Variants in INPP5D observed in about 807,000 individuals in gnomAD.
The protein encoded by INPP5D is inositol polyphosphate-5-phosphatase D, also known as phosphatidylinositol 3,4,5-trisphosphate 5-phosphatase 1.
Under a neutral mutation model 122.9 loss-of-function variants are expected in INPP5D, and 33 were observed. That is an observed-to-expected ratio of 0.27 (90% CI 0.20 to 0.36). The LOEUF (loss-of-function observed/expected upper bound fraction) is 0.36. Ranked by LOEUF, INPP5D falls within the 10% of genes least tolerant of loss-of-function variation. The pLI is 1.00. For synonymous variants in INPP5D, 584 were observed against 576.2 expected (o/e 1.01, Z -0.19); for missense variants, 1,053 against 1,412.7 (o/e 0.75, Z 4.08).
chr2:233,200,961 AAAATAAAT>A (rs150813540), intron 25 of INPP5D, among the ~76,000 whole-genome samples: 1,449 of 141,878 alleles, frequency 0.01, 12 homozygotes, highest in African/African-American at 0.025. Context: ...ACTCCATCTC[AAAATAAAT>A]AAATAAATAA....
At chr2:233,087,474 A>G (rs558319860) in intron 2 of INPP5D, among the ~76,000 whole-genome samples, 18 of 151,896 alleles carry the variant, frequency 1.2e-4, no homozygotes, top group African/African-American at 4.3e-4. Flanking sequence ...CTACAGGCAC[A>G]TGCCACCACA....
intron 5 of INPP5D, among the ~76,000 whole-genome samples, chr2:233,136,442 G>C (rs1559312286): frequency 6.6e-6 from 1 of 150,738 alleles, no homozygotes; most frequent in Non-Finnish European, 1.5e-5. Context: ...TGGTGCCACT[G>C]TGCTCCAGGC....
intron 2 of INPP5D, among the ~76,000 whole-genome samples, chr2:233,119,717 C>T (rs1247414959): frequency 2.0e-5 from 3 of 152,176 alleles, no homozygotes; most frequent in Non-Finnish European, 4.4e-5. Context: ...CCCAGATGGA[C>T]AGCCCTGAAT....
chr2:233,122,316 C>T, intron 3 of INPP5D, 59 bp downstream of exon 3: 3 of 1,542,274 alleles, frequency 1.9e-6, no homozygotes, highest in Non-Finnish European at 2.6e-6. Flanking sequence ...CTGCACCCAC[C>T]TTGAGTGCTT....
chr2:233,169,975 G>A, intron 14 of INPP5D, 51 bp from the exon 15 acceptor site: 1 of 1,611,880 alleles, frequency 6.2e-7, no homozygotes, highest in Non-Finnish European at 8.5e-7. Context: ...TGCCACAGTG[G>A]AGGGGGAACC....
chr2:233,193,697 A>G, intron 22 of INPP5D, 115 bp from the exon 23 acceptor site: 1 of 1,556,330 alleles, frequency 6.4e-7, no homozygotes, highest in Non-Finnish European at 8.8e-7. Flanking sequence ...CGGATTTATT[A>G]AATAACCCTT....
chr2:233,065,944 C>CTTTTT (rs552550678), intron 1 of INPP5D, among the ~76,000 whole-genome samples: 37 of 112,718 alleles, frequency 3.3e-4, no homozygotes, highest in African/African-American at 1.3e-4. Flanking sequence ...CGCACCTGGC[C>CTTTTT]TTTTTTTAAA....
intron 2 of INPP5D, among the ~76,000 whole-genome samples, chr2:233,102,869 C>CAAA (rs1041744645): frequency 4.8e-5 from 7 of 145,982 alleles, no homozygotes; most frequent in African/African-American, 7.7e-5. Flanking sequence ...AAAAAACAAC[C>CAAA]AAAAAACCAC....
At chr2:233,178,680 C>T (rs374559378) in intron 18 of INPP5D, among the ~76,000 whole-genome samples, 2 of 152,106 alleles carry the variant, frequency 1.3e-5, no homozygotes, top group Admixed American at 6.6e-5. Context: ...GATGGGGTTA[C>T]ACCATGTTGG....
rs547131696 is a variant in INPP5D at position 233,128,897 on chromosome 2, G to T, written c.525-1611G>T. On this transcript the variant is annotated intron_variant, in intron 4 of 26. Coordinates refer to ENST00000445964, the MANE Select transcript of INPP5D (RefSeq NM_001017915.3). The surrounding 1 kb of genome is among the most constrained non-coding windows in gnomAD (Gnocchi z 4.5). ...CAAGCCTGGAATAAAAATCTTTAAGGCGGCTGGGCAGGGTGGTTCACACCT... is the reference window on the plus strand; with the variant it reads ...CAAGCCTGGAATAAAAATCTTTAAGTCGGCTGGGCAGGGTGGTTCACACCT... Among the ~76,000 whole-genome samples the T allele has an allele frequency of 6.6e-6, 1 of 152,262 alleles. No homozygotes were observed. Among genetic ancestry groups the T allele is most frequent in the South Asian group, 2.1e-4 (1 of 4,830 alleles).
intron 2 of INPP5D, among the ~76,000 whole-genome samples, chr2:233,120,975 A>T (rs556399477): frequency 7.1e-4 from 106 of 149,690 alleles, no homozygotes; most frequent in African/African-American, 2.3e-3. Context: ...TGTTTTTTTT[A>T]AAAAAAGTTC....
At chr2:233,143,418 C>T (rs942871849) in intron 6 of INPP5D, among the ~76,000 whole-genome samples, 3 of 152,138 alleles carry the variant, frequency 2.0e-5, no homozygotes, top group Non-Finnish European at 2.9e-5. Flanking sequence ...TCCAAATGTT[C>T]TCTACTGTGA....
intron 2 of INPP5D, among the ~76,000 whole-genome samples, chr2:233,098,156 G>C (rs1480490180): frequency 6.6e-6 from 1 of 152,098 alleles, no homozygotes; most frequent in East Asian, 1.9e-4. Context: ...GCCTCCCAAA[G>C]TGCTGGGATC....
intron 5 of INPP5D, among the ~76,000 whole-genome samples, chr2:233,134,744 A>G (rs1272428047): frequency 1.3e-5 from 2 of 152,198 alleles, no homozygotes; most frequent in Non-Finnish European, 1.5e-5. Flanking sequence ...AAAATAAAAG[A>G]TCAAAGGTCT....
rs1323446234 is a variant in INPP5D at position 233,184,632 on chromosome 2, G to A, written c.2275+111G>A. ...TCTTCTCTCCCTGGAAAGGACTCAC[G>A]AAGCTGATCAGAGAAGTGGGGCTGC... is the stretch of plus-strand genomic sequence containing the variant. On this transcript the variant is annotated intron_variant, in intron 20 of 26. Coordinates refer to ENST00000445964, the MANE Select transcript of INPP5D (RefSeq NM_001017915.3). The A allele has an allele frequency of 7.7e-6, 11 of 1,437,820 alleles. No homozygotes were observed. In the South Asian group the frequency reaches 9.6e-5, roughly 13 times the overall value. 89.1% of individuals were successfully genotyped at this position (1,437,820 alleles called of 1,614,324 possible). A position where few individuals can be genotyped will look rare whatever the true frequency, so the allele number is the denominator to read the frequency against.
At chr2:233,134,565 C>T (rs936824811) in intron 5 of INPP5D, among the ~76,000 whole-genome samples, 4 of 152,070 alleles carry the variant, frequency 2.6e-5, no homozygotes, top group South Asian at 2.1e-4. Flanking sequence ...GCGGGTCTGG[C>T]GTGAAGATCT....
chr2:233,168,245 G>T (rs571829217), intron 13 of INPP5D, among the ~76,000 whole-genome samples: 3 of 152,138 alleles, frequency 2.0e-5, no homozygotes, highest in East Asian at 3.9e-4. Flanking sequence ...AATGTAAAAG[G>T]TTATTAGATA....
Position 233,163,774 on chromosome 2 carries a change from C to T in INPP5D, c.1308C>T (p.Asp436=), listed in dbSNP as rs771028425. Residue 436 remains aspartate, a synonymous_variant, in exon 12 of 27, where the codon GAC becomes GAT. Transcript: ENST00000445964. ...FLSKGQGKTR[D]DSADYIPHDI... ...CCAAGGGGCAGGGAAAGACGCGGGACGACTCTGCGGACTACATCCCCCATG... is the reference window on the plus strand; with the variant it reads ...CCAAGGGGCAGGGAAAGACGCGGGATGACTCTGCGGACTACATCCCCCATG... 6.2e-6 allele frequency: 10 copies of T among 1,613,818 alleles called. No individual in the cohort carries two copies. Among genetic ancestry groups the T allele is most frequent in the Non-Finnish European group, 7.6e-6 (9 of 1,179,882 alleles).
At chr2:233,143,817 T>C (rs1177388445) in intron 6 of INPP5D, among the ~76,000 whole-genome samples, 1 of 151,546 alleles carries the variant, frequency 6.6e-6, no homozygotes, top group African/African-American at 2.4e-5. Flanking sequence ...GTGGAGATGG[T>C]GGTGGTGATG....
Sources: gnomAD v4.1 joint callset for allele counts (sites outside exome capture counted in the v4.1 genomes callset) on GRCh38, gnomAD v4.1.1 for gene constraint, Gnocchi (gnomAD v3.1) non-coding constraint, MANE v1.5 for transcripts, NCBI Gene and HGNC (gene_info 2026-07-23, HGNC 2026-07-21) for gene names.